The following MEDAG variants were observed in gnomAD, a reference collection of about 807,000 sequenced individuals.
MEDAG encodes the protein mesenteric estrogen dependent adipogenesis.
A neutral mutation model predicts 29.9 loss-of-function variants in MEDAG; 25 were observed. That is an observed-to-expected ratio of 0.84 (90% CI 0.61 to 1.17). MEDAG has a LOEUF of 1.17. MEDAG is among the 50% of genes most tolerant of loss of function. The pLI is 0.00. For missense variants in MEDAG, 398 were observed against 372.9 expected, an observed-to-expected ratio of 1.07 and a Z score of -0.56; for synonymous variants, 158 against 148.2, an observed-to-expected ratio of 1.07 and a Z score of -0.48.
chr13:30,906,504 G>C lies in MEDAG; in HGVS notation c.-12G>C, dbSNP rs1297727332. The C allele has an allele frequency of 1.3e-6, 2 of 1,502,900 alleles. No homozygotes were observed. Among genetic ancestry groups the C allele is most frequent in the African/African-American group, 2.9e-5 (2 of 69,402 alleles). 93.1% of individuals were successfully genotyped at this position (1,502,900 alleles called of 1,614,324 possible). On this transcript the variant is annotated 5_prime_UTR_variant, in exon 1 of 5. Transcript: ENST00000380482. ...GACGGAAGCAGGCGGTGTGAGGACC[G>C]ACGACGCGGGCATGGCGGGGGCGGC...
chr13:30,911,064 C>G (rs1187647119), intron 1 of MEDAG, among the ~76,000 whole-genome samples: 1 of 152,210 alleles, frequency 6.6e-6, no homozygotes, highest in Admixed American at 6.5e-5. Flanking sequence ...AGGAAGGGCT[C>G]TGCTCTTTGC....
chr13:30,915,188 A>T (rs1593506851), intron 1 of MEDAG, among the ~76,000 whole-genome samples: 1 of 151,536 alleles, frequency 6.6e-6, no homozygotes, highest in Non-Finnish European at 1.5e-5. Flanking sequence ...AACATACTTC[A>T]CCTTCTCTTC....
chr13:30,919,264 T>A (rs1461137614), intron 2 of MEDAG, among the ~76,000 whole-genome samples: 3 of 152,268 alleles, frequency 2.0e-5, no homozygotes, highest in Non-Finnish European at 2.9e-5. Flanking sequence ...ATTAAGGCAA[T>A]ATGTCTAGTC....
Position 30,906,612 on chromosome 13 carries a change from GC to G in MEDAG, c.100del (p.Leu34CysfsTer17). The G allele has an allele frequency of 6.3e-7, 1 of 1,585,184 alleles. No individual in the cohort carries two copies. The highest frequency in any genetic ancestry group is 8.5e-7 in the Non-Finnish European group (1 of 1,174,548). On this transcript the variant is annotated frameshift_variant, in exon 1 of 5. Coordinates refer to ENST00000380482, the MANE Select transcript of MEDAG (RefSeq NM_032849.4). LOFTEE classifies it high-confidence loss of function. ...CCTGTGGACCTGCGACTGCGAGCTG[GC>G]CCTGCTGCCGCTGGCTCAGCTGCTG... Reference protein sequence around the residue: ...RSLWTCDCELALLPLAQLLRL... With the variant: ...RSLWTCDCELXLLPLAQLLRL...
intron 1 of MEDAG, chr13:30,908,687 T>TCCCC (rs1952852483): frequency 1.2e-5 from 1 of 86,760 alleles, no homozygotes; most frequent in African/African-American, 4.3e-5. Context: ...CCTCCCTCCC[T>TCCCC]CCCCTCCCTC....
At chr13:30,915,683 C>T (rs1310067776) in intron 1 of MEDAG, among the ~76,000 whole-genome samples, 1 of 151,732 alleles carries the variant, frequency 6.6e-6, no homozygotes, top group Non-Finnish European at 1.5e-5. Flanking sequence ...GAGGTTCCCC[C>T]ATCTCACCCC....
intron 1 of MEDAG, chr13:30,916,602 T>C (rs1223645512): frequency 6.6e-6 from 1 of 152,264 alleles, no homozygotes; most frequent in Non-Finnish European, 1.5e-5. Context: ...CCACATGGCA[T>C]CTGAGCTTGG....
At chr13:30,920,392 C>A (rs1013925069) in intron 2 of MEDAG, among the ~76,000 whole-genome samples, 2 of 151,960 alleles carry the variant, frequency 1.3e-5, no homozygotes, top group African/African-American at 2.4e-5. Flanking sequence ...TCAAGACCAC[C>A]CTGGGCAACA....
Position 30,919,336 on chromosome 13 carries a change from G to T in MEDAG, c.389-1678G>T, listed in dbSNP as rs139199406. Among the ~76,000 whole-genome samples the T allele has an allele frequency of 8.1e-3, 1,238 of 152,290 alleles. 34 individuals are homozygous for T. Among genetic ancestry groups the T allele is most frequent in the Non-Finnish European group, 5.5e-3 (373 of 68,022 alleles). The stretch of plus-strand genomic sequence containing the variant: ...GAAAAAGCCACCATTTCCTCAAGAC[G>T]ATTACTAATGCTTCCCACAAGTTTG... On this transcript the variant is annotated intron_variant, in intron 2 of 4. Transcript: ENST00000380482.
At chr13:30,920,541 A>T (rs1475841582) in intron 2 of MEDAG, among the ~76,000 whole-genome samples, 2 of 152,028 alleles carry the variant, frequency 1.3e-5, no homozygotes, top group African/African-American at 4.8e-5. Context: ...GTGAGCTTTG[A>T]TTACACCACT....
At chr13:30,916,066 G>A (rs1423089056) in intron 1 of MEDAG, 2 of 152,194 alleles carry the variant, frequency 1.3e-5, no homozygotes, top group African/African-American at 2.4e-5. Flanking sequence ...TCCATCAGGG[G>A]TCAGGTTTTA....
At chr13:30,912,272 G>C (rs1417454865) in intron 1 of MEDAG, among the ~76,000 whole-genome samples, 1 of 152,158 alleles carries the variant, frequency 6.6e-6, no homozygotes, top group Non-Finnish European at 1.5e-5. Context: ...AAGGCGGAGG[G>C]AAGAAGGGAA....
chr13:30,922,272 T>G (rs1952995702), intron 4 of MEDAG: 1 of 150,560 alleles, frequency 6.6e-6, no homozygotes, highest in African/African-American at 2.5e-5. Flanking sequence ...TTTTTTTTTT[T>G]GAAACGGAGT....
At chr13:30,924,174 C>A in intron 4 of MEDAG, 137 bp from the exon 5 acceptor site, 2 of 894,394 alleles carry the variant, frequency 2.2e-6, no homozygotes, top group East Asian at 2.8e-5. Context: ...TCTGTTTAGC[C>A]TTTTGAATTT....
intron 1 of MEDAG, among the ~76,000 whole-genome samples, chr13:30,914,656 T>C (rs146139018): frequency 9.8e-4 from 150 of 152,306 alleles, no homozygotes; most frequent in Non-Finnish European, 1.9e-3. Flanking sequence ...TACCTGCTCT[T>C]TGAGCCCAGT....
Position 30,924,557 on chromosome 13 carries a change from A to G in MEDAG, c.*122A>G. The G allele has an allele frequency of 2.0e-6, 2 of 1,019,688 alleles. No individual in the cohort carries two copies. Among genetic ancestry groups the G allele is most frequent in the East Asian group, 2.5e-5 (1 of 39,568 alleles). The allele number at this position is 1,019,688 out of a possible 1,614,324, so 63.2% of individuals were successfully genotyped here. A position where few individuals can be genotyped will look rare whatever the true frequency, so the allele number is the denominator to read the frequency against. On this transcript the variant is annotated 3_prime_UTR_variant, in exon 5 of 5. Transcript: ENST00000380482. ...CTGCGTGTCAATCTCCGGCTCCTCC[A>G]TGGCTTCTATGGAGGACTCCTCTCT...
In MEDAG at chr13:30,925,298, T is replaced by C. The variant is rs779867037; in HGVS notation, c.*863T>C. On this transcript the variant is annotated 3_prime_UTR_variant, in exon 5 of 5. Transcript: ENST00000380482. ...TTACCATAATACATTTTTCATCTCA[T>C]GGCTACAATGGAATTCTTGAAAAGG... 2.0e-5 allele frequency: 3 copies of C among 152,142 alleles called. No homozygotes were observed. Among genetic ancestry groups the C allele is most frequent in the Non-Finnish European group, 4.4e-5 (3 of 68,022 alleles). 9.4% of individuals were successfully genotyped at this position (152,142 alleles called of 1,614,324 possible).
intron 1 of MEDAG, among the ~76,000 whole-genome samples, chr13:30,909,516 T>C (rs966598401): frequency 6.6e-6 from 1 of 152,006 alleles, no homozygotes; most frequent in Non-Finnish European, 1.5e-5. Flanking sequence ...AAAGGCAAAA[T>C]GGTTCTTAAT....
chr13:30,906,409 G>A lies in MEDAG; in HGVS notation c.-107G>A, dbSNP rs1013127439. ...CCGACCCCCTCCTCACCTCGCGCGC[G>A]GCTGACGCAGGCAGGGCGCCCGGCC... On this transcript the variant is annotated 5_prime_UTR_variant, in exon 1 of 5. Coordinates refer to ENST00000380482, the MANE Select transcript of MEDAG (RefSeq NM_032849.4). The A allele has an allele frequency of 8.1e-7, 1 of 1,229,600 alleles. No homozygotes were observed. The highest frequency in any genetic ancestry group is 1.1e-6 in the Non-Finnish European group (1 of 951,542). The allele number at this position is 1,229,600 out of a possible 1,614,324, so 76.2% of individuals were successfully genotyped here.
Sources: allele counts gnomAD v4.1 joint callset (sites outside exome capture counted in the v4.1 genomes callset), GRCh38; gene constraint gnomAD v4.1.1; transcripts MANE v1.5; gene names NCBI Gene and HGNC (gene_info 2026-07-23, HGNC 2026-07-21).